PPP2R3B: variants seen among roughly 807,000 people sequenced by gnomAD.
The protein encoded by PPP2R3B is serine/threonine-protein phosphatase 2A regulatory subunit B'' subunit beta.
Under a neutral mutation model 72.9 loss-of-function variants are expected in PPP2R3B, and 68 were observed. The ratio of observed to expected loss-of-function variants is 0.93; its 90% CI spans 0.77 to 1.14. The LOEUF is 1.14. PPP2R3B is among the 50% of genes most tolerant of loss of function. PPP2R3B has a pLI of 0.00. For missense variants in PPP2R3B, 1,018 were observed against 842.0 expected (o/e 1.21, Z -2.59); for synonymous variants, 466 against 375.8 (o/e 1.24, Z -2.78).
In PPP2R3B at chrX:380,252, C is replaced by T. The variant is rs142549359; in HGVS notation, c.324+6116G>A. On this transcript the variant is annotated intron_variant, in intron 1 of 12. Transcript: ENST00000390665. ...AACTAAACACTTTTGCTCTTTGAGACACTGAAGAAAACAAAAAGCAAGCCA... is the reference window on the plus strand; with the variant it reads ...AACTAAACACTTTTGCTCTTTGAGATACTGAAGAAAACAAAAAGCAAGCCA... Among the ~76,000 whole-genome samples, 97 of 152,274 alleles carry T rather than the reference C, an allele frequency of 6.4e-4. 1 individual carries two copies. In the East Asian group the frequency reaches 0.016, roughly 25 times the overall value.
chrX:351,994 C>A (rs1466962435), intron 2 of PPP2R3B, among the ~76,000 whole-genome samples: 2 of 152,210 alleles, frequency 1.3e-5, no homozygotes, highest in Non-Finnish European at 2.9e-5. Flanking sequence ...CAACCAGAGA[C>A]AGCTGCACCC....
intron 1 of PPP2R3B, among the ~76,000 whole-genome samples, chrX:361,861 T>G (rs762623135): frequency 1.3e-5 from 2 of 152,088 alleles, no homozygotes; most frequent in African/African-American, 4.8e-5. Context: ...AGCAGGGCCC[T>G]GGGGACAAGG....
intron 12 of PPP2R3B, chrX:335,034 G>A (rs192448940): frequency 0.018 from 2,690 of 152,972 alleles, 94 homozygotes; most frequent in African/African-American, 0.061. Flanking sequence ...AACCCAGCGC[G>A]GCCACGGACC....
rs1323107501 is a variant in PPP2R3B, at chrX:334,078, C to T, written c.*289G>A. On this transcript the variant is annotated 3_prime_UTR_variant, in exon 13 of 13. Transcript: ENST00000390665. The stretch of plus-strand genomic sequence containing the variant: ...GTTGTGCGCACACGGACCCTTTCCA[C>T]AGACGCAGGCCCCGGAACCCAGGCT... 2 of 330,296 alleles carry T rather than the reference C, an allele frequency of 6.1e-6. No homozygotes were observed. The highest frequency in any genetic ancestry group is 1.1e-5 in the Non-Finnish European group (2 of 182,660). 20.5% of individuals were successfully genotyped at this position (330,296 alleles called of 1,614,324 possible).
Position 341,869 on chromosome X carries a change from T to G in PPP2R3B, c.1085+14A>C, listed in dbSNP as rs759536057. The stretch of plus-strand genomic sequence containing the variant: ...GGGGCAATGGCTGCCGTCAGGCGCC[T>G]GAGCCGTACGTACCGTGTGACTGCT... On this transcript the variant is annotated intron_variant, in intron 8 of 12. Coordinates refer to ENST00000390665, the MANE Select transcript of PPP2R3B (RefSeq NM_013239.5). 6.8e-6 allele frequency: 11 copies of G among 1,612,376 alleles called. No individual in the cohort carries two copies. Among genetic ancestry groups the G allele is most frequent in the Non-Finnish European group, 7.6e-6 (9 of 1,179,622 alleles).
chrX:386,641 C>G lies in PPP2R3B; in HGVS notation c.51G>C (p.Glu17Asp), dbSNP rs1406735865. ...LQPVLKMKVD[E>D]LFLYWLSEAS... ...CCTCGCTGAGCCAGTACAGGAACAGCTCGTCCACCTTCATCTTCAGGACCG... is the reference window on the plus strand; with the variant it reads ...CCTCGCTGAGCCAGTACAGGAACAGGTCGTCCACCTTCATCTTCAGGACCG... The change falls in exon 1 of 13, where the codon GAG (glutamate) becomes GAC (aspartate). Residue 17 changes from glutamate (E) to aspartate (D), a missense_variant. Transcript: ENST00000390665. 7.0e-7 allele frequency: 1 copy of G among 1,424,340 alleles called. No homozygotes were observed. Among genetic ancestry groups the G allele is most frequent in the South Asian group, 1.5e-5 (1 of 68,246 alleles). 88.2% of individuals were successfully genotyped at this position (1,424,340 alleles called of 1,614,324 possible). A position where few individuals can be genotyped will look rare whatever the true frequency, so the allele number is the denominator to read the frequency against.
chrX:352,198 A>G (rs1000398796), intron 2 of PPP2R3B, among the ~76,000 whole-genome samples: 1 of 152,256 alleles, frequency 6.6e-6, no homozygotes, highest in East Asian at 1.9e-4. Flanking sequence ...CAAAATCCTT[A>G]TGGGAAAGGG....
chrX:378,914 C>A (rs1285690980), intron 1 of PPP2R3B, among the ~76,000 whole-genome samples: 1 of 152,230 alleles, frequency 6.6e-6, no homozygotes, highest in Non-Finnish European at 1.5e-5. Flanking sequence ...CCGCACGAAA[C>A]CTTCAGAAAC....
At chrX:335,662 A>G (rs2070869550) in intron 12 of PPP2R3B, 1 of 152,212 alleles carries the variant, frequency 6.6e-6, no homozygotes, top group African/African-American at 2.4e-5. Context: ...CTCAAGGAAA[A>G]CAGCAGAACA....
At chrX:362,920 A>G in intron 1 of PPP2R3B, among the ~76,000 whole-genome samples, 1 of 148,164 alleles carries the variant, frequency 6.7e-6, no homozygotes, top group Non-Finnish European at 1.5e-5. Context: ...AACTGTCCCC[A>G]CCCTGCTACT....
Position 345,576 on chromosome X carries a change from G to C in PPP2R3B, c.976C>G (p.Leu326Val), listed in dbSNP as rs1356766159. The C allele has an allele frequency of 8.1e-6, 13 of 1,613,344 alleles. No individual in the cohort carries two copies. The highest frequency in any genetic ancestry group is 2.2e-5 in the East Asian group (1 of 44,840). Residue 326 changes from leucine (L) to valine (V), a missense_variant, in exon 7 of 13, where the codon CTG becomes GTG. Transcript: ENST00000390665. The stretch of plus-strand genomic sequence containing the variant: ...ATGAGCAGGTCGTGGTCCGTGTCCA[G>C]CTCCCAGAACTTGCAGTAGATGACG... ...FYVIYCKFWE[L>V]DTDHDLLIDA...
chrX:347,687 C>A lies in PPP2R3B; in HGVS notation c.517G>T (p.Gly173Cys). 2 of 1,537,686 alleles carry A rather than the reference C, an allele frequency of 1.3e-6. No individual in the cohort carries two copies. Among genetic ancestry groups the A allele is most frequent in the East Asian group, 2.4e-5 (1 of 41,496 alleles). Residue 173 changes from glycine to cysteine, a missense_variant, in exon 3 of 13, where the codon GGC (glycine) becomes TGC (cysteine). Transcript: ENST00000390665. ...DDMGLVAKAC[G>C]CPLYWKGPLF... ...GGCCCCTTCCAGTAGAGGGGGCAGC[C>A]GCAGGCCTGGGGCAGAGAGGGCAGG...
At chrX:354,049 A>ACCCAAAGACCGGGGCTCG (rs1338433083) in intron 2 of PPP2R3B, among the ~76,000 whole-genome samples, 21,211 of 125,048 alleles carry the variant, frequency 0.17, 2,523 homozygotes, top group Admixed American at 0.29. Flanking sequence ...CCAGGGGCTC[A>ACCCAAAGACCGGGGCTCG]CCCAAAGACC....
At chrX:347,769 AC>A (rs1344048214) in intron 2 of PPP2R3B, 76 bp from the exon 3 acceptor site, 1 of 1,115,050 alleles carries the variant, frequency 9.0e-7, no homozygotes, top group Non-Finnish European at 1.2e-6. Flanking sequence ...CTCGCGCCTG[AC>A]CGACGCCGCC....
chrX:342,095 G>A, intron 7 of PPP2R3B, 164 bp from the exon 8 acceptor site: 5 of 750,796 alleles, frequency 6.7e-6, no homozygotes, highest in Non-Finnish European at 1.2e-5. Flanking sequence ...CCATCCTAGG[G>A]GCCCACCACG....
At chrX:338,393 G>C (rs1174400591) in intron 12 of PPP2R3B, 13 of 618,810 alleles carry the variant, frequency 2.1e-5, no homozygotes, top group Middle Eastern at 4.3e-4. Flanking sequence ...ATGACGGGCA[G>C]ACTGCACCGA....
chrX:371,789 A>C (rs1418037662), intron 1 of PPP2R3B, among the ~76,000 whole-genome samples: 5 of 151,968 alleles, frequency 3.3e-5, no homozygotes, highest in Non-Finnish European at 7.4e-5. Flanking sequence ...GAAAGCAGCC[A>C]GGAAACGTCC....
At chrX:345,125 G>A (rs1030933464) in intron 7 of PPP2R3B, 24 of 493,468 alleles carry the variant, frequency 4.9e-5, no homozygotes, top group African/African-American at 4.1e-4. Flanking sequence ...GCCCGGGATT[G>A]GATGGAAACT....
chrX:346,918 G>A (rs1391509191), intron 4 of PPP2R3B, 143 bp from the exon 5 acceptor site: 146 of 795,202 alleles, frequency 1.8e-4, no homozygotes, highest in African/African-American at 7.5e-4. Context: ...GGGATGAGGC[G>A]TATGGTGTAG....
Sources: allele counts gnomAD v4.1 joint callset (sites outside exome capture counted in the v4.1 genomes callset), GRCh38; gene constraint gnomAD v4.1.1; transcripts MANE v1.5; gene names NCBI Gene and HGNC (gene_info 2026-07-23, HGNC 2026-07-21).